NDUFS1: variants seen among roughly 807,000 people sequenced by gnomAD.
NDUFS1 encodes NADH-ubiquinone oxidoreductase 75 kDa subunit, mitochondrial.
NDUFS1 carries 61 observed loss-of-function variants against 84.4 expected under a neutral mutation model. The observed-to-expected ratio is 0.72, with a 90% CI of 0.59 to 0.89. The LOEUF is 0.89. Among genes scored for constraint, NDUFS1 ranks in the 40% least tolerant of loss-of-function variants. NDUFS1 has a pLI of 0.00. For missense variants in NDUFS1, 891 were observed against 890.0 expected (o/e 1.00, Z -0.01); for synonymous variants, 275 against 290.0 (o/e 0.95, Z 0.53).
chr2:206,150,968 C>T (rs1341642744), intron 3 of NDUFS1, among the ~76,000 whole-genome samples: 1 of 152,042 alleles, frequency 6.6e-6, no homozygotes, highest in Admixed American at 6.6e-5. Context: ...GGAAAAAATC[C>T]CTCGGGTCTT....
chr2:206,158,935 A>G (rs1410331342), intron 1 of NDUFS1: 8 of 697,668 alleles, frequency 1.1e-5, no homozygotes, highest in Non-Finnish European at 1.9e-5. Context: ...CCAAACAATC[A>G]TGCACTGTAT....
rs928793091 is a variant in NDUFS1 at position 206,142,977 on chromosome 2, C to A, written c.988-146G>T. On this transcript the variant is annotated intron_variant, in intron 10 of 18. Transcript: ENST00000233190. ...TTAAAAGTTTTACAACATGCCCAGG[C>A]ACACTGGCTCATGCCTGTAATCCCA... 66 of 1,144,898 alleles carry A rather than the reference C, an allele frequency of 5.8e-5. 1 individual carries two copies. In the African/African-American group the frequency reaches 9.9e-4, roughly 17 times the overall value. The allele number at this position is 1,144,898 out of a possible 1,614,324, so 70.9% of individuals were successfully genotyped here.
chr2:206,126,389 A>G (rs1334762539), intron 18 of NDUFS1, 150 bp downstream of exon 18: 1 of 759,944 alleles, frequency 1.3e-6, no homozygotes, highest in East Asian at 2.7e-5. Flanking sequence ...ATCAGAAAAT[A>G]TGCTTACGTT....
At chr2:206,129,958 A>T in intron 15 of NDUFS1, 130 bp downstream of exon 15, 2 of 942,074 alleles carry the variant, frequency 2.1e-6, no homozygotes, top group Non-Finnish European at 3.3e-6. Context: ...TTAAAAAAAA[A>T]GGAGGAGGAG....
At position 206,119,547 on chromosome 2, in the gene NDUFS1, G is replaced by A. The variant is rs796998540; in HGVS notation, c.*4638C>T. On this transcript the variant is annotated 3_prime_UTR_variant, in exon 19 of 19. Transcript: ENST00000233190. ...GCCTCAGCCTCCTGAGTGAGTAGCT[G>A]GGATTACAGGCATATGCCACCATGG... The A allele has an allele frequency of 5.3e-5, 8 of 152,180 alleles. No individual in the cohort carries two copies. The highest frequency in any genetic ancestry group is 1.9e-4 in the African/African-American group (8 of 41,526). 9.4% of individuals were successfully genotyped at this position (152,180 alleles called of 1,614,324 possible). A position where few individuals can be genotyped will look rare whatever the true frequency, so the allele number is the denominator to read the frequency against.
chr2:206,130,342 A>T, intron 14 of NDUFS1, 100 bp from the exon 15 acceptor site: 1 of 1,411,044 alleles, frequency 7.1e-7, no homozygotes, highest in Non-Finnish European at 9.8e-7. Flanking sequence ...ATGTCAAAAA[A>T]CCCATTTTAT....
intron 1 of NDUFS1, among the ~76,000 whole-genome samples, chr2:206,155,180 G>A (rs967801988): frequency 2.0e-5 from 3 of 151,746 alleles, no homozygotes; most frequent in Non-Finnish European, 2.9e-5. Flanking sequence ...GTGCTGTGGC[G>A]CGATCTCAGC....
Position 206,118,343 on chromosome 2 carries a change from G to C in NDUFS1, c.*5842C>G, listed in dbSNP as rs964409123. 6.6e-6 allele frequency: 1 copy of C among 152,088 alleles called. No homozygotes were observed. The highest frequency in any genetic ancestry group is 6.6e-5 in the Admixed American group (1 of 15,254). 9.4% of individuals were successfully genotyped at this position (152,088 alleles called of 1,614,324 possible). ...ATATTGGTTATTTAAAACTTATTAG[G>C]GGCCGGGTACAGTGGCTCATGCCTG... On this transcript the variant is annotated 3_prime_UTR_variant, in exon 19 of 19. Coordinates refer to ENST00000233190, the MANE Select transcript of NDUFS1 (RefSeq NM_005006.7).
At chr2:206,155,091 G>C (rs375580273) in intron 1 of NDUFS1, among the ~76,000 whole-genome samples, 2 of 151,656 alleles carry the variant, frequency 1.3e-5, no homozygotes, top group Non-Finnish European at 2.9e-5. Context: ...AACCATGCCA[G>C]GCTAATTTTT....
chr2:206,125,815 C>A (rs1691272300), intron 18 of NDUFS1, among the ~76,000 whole-genome samples: 1 of 152,132 alleles, frequency 6.6e-6, no homozygotes, highest in African/African-American at 2.4e-5. Flanking sequence ...CTCCCACTCT[C>A]CACTCTCAAG....
In NDUFS1 at chr2:206,142,736, C is replaced by T; in HGVS notation, c.1083G>A (p.Val361=). 6.2e-7 allele frequency: 1 copy of T among 1,614,110 alleles called. No individual in the cohort carries two copies. The highest frequency in any genetic ancestry group is 1.1e-5 in the South Asian group (1 of 91,074). The change falls in exon 11 of 19, where the codon GTG becomes GTA. Residue 361 remains valine (V), a synonymous_variant. Transcript: ENST00000233190. ...LVALKDLLNR[V]DSDTLCTEEV... is the part of the protein sequence containing the mutation. ...CTTCAGTGCATAAGGTGTCAGAGTCCACTCTATTAAGCAAATCTTTGAGAG... is the reference window on the plus strand; with the variant it reads ...CTTCAGTGCATAAGGTGTCAGAGTCTACTCTATTAAGCAAATCTTTGAGAG...
At position 206,126,806 on chromosome 2, in the gene NDUFS1, T is replaced by C; in HGVS notation, c.1923A>G (p.Gln641=). 12 of 1,614,184 alleles carry C rather than the reference T, an allele frequency of 7.4e-6. No homozygotes were observed. The highest frequency in any genetic ancestry group is 1.0e-5 in the Non-Finnish European group (12 of 1,180,028). ...AGACTTCTTCCAATCTGTTCCTTAC[T>C]TGATCCAGAGTATCATATGGAAGAG... is the stretch of plus-strand genomic sequence containing the variant. ...GMTLPYDTLD[Q]VRNRLEEVSP... The change falls in exon 17 of 19, where the codon CAA becomes CAG. Residue 641 remains glutamine (Q), a synonymous_variant. Coordinates refer to ENST00000233190, the MANE Select transcript of NDUFS1 (RefSeq NM_005006.7).
At chr2:206,153,051 C>G (rs956224170) in intron 2 of NDUFS1, among the ~76,000 whole-genome samples, 1 of 152,152 alleles carries the variant, frequency 6.6e-6, no homozygotes, top group Non-Finnish European at 1.5e-5. Context: ...ATGGGAAGAT[C>G]ACTTTTCAAA....
At position 206,116,250 on chromosome 2, in the gene NDUFS1, C is replaced by A. The variant is rs1690939502; in HGVS notation, c.*7935G>T. The A allele has an allele frequency of 3.6e-6, 4 of 1,122,844 alleles. No individual in the cohort carries two copies. In the Admixed American group the frequency reaches 6.7e-5, roughly 19 times the overall value. 69.6% of individuals were successfully genotyped at this position (1,122,844 alleles called of 1,614,324 possible). On this transcript the variant is annotated 3_prime_UTR_variant, in exon 19 of 19. Transcript: ENST00000233190. ...TTGTTTACAAGTCCTGGATTTTCTG[C>A]AAGAGCTTCATTAATTTCGGTTACT...
chr2:206,138,357 A>C (rs918686769), intron 13 of NDUFS1, 128 bp downstream of exon 13: 48 of 1,000,744 alleles, frequency 4.8e-5, no homozygotes, highest in Admixed American at 1.0e-4. Flanking sequence ...CTGGGATTAC[A>C]GGCGTGAGCC....
At position 206,126,599 on chromosome 2, in the gene NDUFS1, G is replaced by T. The variant is rs142684807; in HGVS notation, c.2032C>A (p.Gln678Lys). ...ANELSKLVNQ[Q>K]LLADPLVPPQ... The stretch of plus-strand genomic sequence containing the variant: ...GGAACAAGTGGGTCAGCAAGAAGCT[G>T]CTGGTTCACTAGCTGCACAAAAAAG... Residue 678 changes from glutamine (Q) to lysine (K), a missense_variant, in exon 18 of 19, where the codon CAG becomes AAG. Transcript: ENST00000233190. 4 of 1,614,144 alleles carry T rather than the reference G, an allele frequency of 2.5e-6. No homozygotes were observed. Among genetic ancestry groups the T allele is most frequent in the Non-Finnish European group, 3.4e-6 (4 of 1,180,004 alleles).
intron 3 of NDUFS1, among the ~76,000 whole-genome samples, chr2:206,151,048 A>C (rs4147713): frequency 0.55 from 83,491 of 151,958 alleles, 24,287 homozygotes; most frequent in African/African-American, 0.74. Flanking sequence ...ATTCCCATTG[A>C]CACTATCTAT....
At chr2:206,140,868 A>G (rs981425132) in intron 12 of NDUFS1, among the ~76,000 whole-genome samples, 3 of 151,498 alleles carry the variant, frequency 2.0e-5, no homozygotes, top group African/African-American at 7.3e-5. Flanking sequence ...TGTCCACCAG[A>G]AACTTCCAAA....
At chr2:206,128,889 A>G (rs926215077) in intron 15 of NDUFS1, among the ~76,000 whole-genome samples, 18 of 152,316 alleles carry the variant, frequency 1.2e-4, no homozygotes, top group Non-Finnish European at 2.6e-4. Context: ...CCAAGTAAGT[A>G]TACTGATGCT....
Sources: gnomAD v4.1 joint callset for allele counts (sites outside exome capture counted in the v4.1 genomes callset) on GRCh38, gnomAD v4.1.1 for gene constraint, MANE v1.5 for transcripts, NCBI Gene and HGNC (gene_info 2026-07-23, HGNC 2026-07-21) for gene names.